Variants in FAM162B observed in about 807,000 individuals in gnomAD.
FAM162B encodes family with sequence similarity 162 member B.
Under a neutral mutation model 20.0 loss-of-function variants are expected in FAM162B, and 16 were observed. That is an observed-to-expected ratio of 0.80 (90% CI 0.54 to 1.21). The LOEUF (loss-of-function observed/expected upper bound fraction) is 1.21, where lower values mean the gene tolerates loss of function less well. FAM162B is among the 50% of genes most tolerant of loss of function. FAM162B has a pLI of 0.00. For synonymous variants in FAM162B, 83 were observed against 89.7 expected (o/e 0.93, Z 0.42); for missense variants, 260 against 227.5 (o/e 1.14, Z -0.92).
intron 3 of FAM162B, among the ~76,000 whole-genome samples, chr6:116,761,587 C>A (rs1335693021): frequency 6.7e-6 from 1 of 148,592 alleles, no homozygotes; most frequent in African/African-American, 2.5e-5. Flanking sequence ...TTTCCATGAA[C>A]AAATTTATCT....
chr6:116,753,013 TA>T (rs1022866193), intron 3 of FAM162B, among the ~76,000 whole-genome samples: 2 of 151,976 alleles, frequency 1.3e-5, no homozygotes, highest in Non-Finnish European at 2.9e-5. Context: ...GCATTTAATA[TA>T]TATTGAAGGA....
chr6:116,758,626 A>G (rs1780080602), intron 3 of FAM162B, among the ~76,000 whole-genome samples: 1 of 152,110 alleles, frequency 6.6e-6, no homozygotes, highest in Non-Finnish European at 1.5e-5. Flanking sequence ...GTTTTGTTCT[A>G]TATTTAGAAA....
intron 3 of FAM162B, among the ~76,000 whole-genome samples, chr6:116,757,754 CA>C (rs36020350): frequency 1.5e-3 from 157 of 103,180 alleles, no homozygotes; most frequent in Admixed American, 3.4e-3. Flanking sequence ...CCTCCTCCAC[CA>C]AAAAAAAAAA....
intron 3 of FAM162B, among the ~76,000 whole-genome samples, chr6:116,759,487 T>TC (rs965636079): frequency 5.3e-5 from 8 of 151,514 alleles, no homozygotes; most frequent in African/African-American, 1.9e-4. Context: ...ATTTTTTTTT[T>TC]TAGTAGTGAC....
chr6:116,764,264 T>C (rs1771860073), intron 2 of FAM162B, among the ~76,000 whole-genome samples: 2 of 152,226 alleles, frequency 1.3e-5, no homozygotes, highest in Non-Finnish European at 2.9e-5. Flanking sequence ...ATACAGAATA[T>C]CTAAAATCCT....
Position 116,759,402 on chromosome 6 carries a change from C to T in FAM162B, c.390+2575G>A, listed in dbSNP as rs560778276. Reference sequence around the variant, plus strand: ...CTGCAAGCTCCACCTCCTGGGTTCACGCCATTCTCCTGCGTAGCCTCCCGA... The same window carrying T: ...CTGCAAGCTCCACCTCCTGGGTTCATGCCATTCTCCTGCGTAGCCTCCCGA... On this transcript the variant is annotated intron_variant, in intron 3 of 3. Transcript: ENST00000368557. 8.7e-5 allele frequency among the ~76,000 whole-genome samples: 11 copies of T among 125,770 alleles called. 1 individual carries two copies. The East Asian group carries it at 1.8e-3, about 21-fold the overall frequency. The allele number at this position is 125,770 out of a possible 152,430, so 82.5% of individuals were successfully genotyped here.
At chr6:116,753,143 C>A (rs1322900188) in intron 3 of FAM162B, among the ~76,000 whole-genome samples, 1 of 152,052 alleles carries the variant, frequency 6.6e-6, no homozygotes, top group African/African-American at 2.4e-5. Flanking sequence ...GCATCACCCA[C>A]CTACTTGCTA....
intron 3 of FAM162B, among the ~76,000 whole-genome samples, chr6:116,753,065 G>C (rs953438843): frequency 6.6e-6 from 1 of 151,968 alleles, no homozygotes; most frequent in Non-Finnish European, 1.5e-5. Flanking sequence ...CCAAAATAGA[G>C]AGTTGACATA....
intron 3 of FAM162B, among the ~76,000 whole-genome samples, chr6:116,757,714 A>T (rs1780068372): frequency 6.9e-6 from 1 of 145,760 alleles, no homozygotes; most frequent in African/African-American, 2.6e-5. Context: ...ATGCCACTGC[A>T]CTCCAGCCTG....
Position 116,765,537 on chromosome 6 carries a change from C to T in FAM162B, c.40G>A (p.Gly14Arg), listed in dbSNP as rs982816201. Reference protein sequence around the residue: ...AVGSLLRLGRGLTVRCGPGAP... With the variant: ...AVGSLLRLGRRLTVRCGPGAP... ...CCGGGGCCGCAGCGGACTGTTAGCC[C>T]GCGGCCAAGGCGCAGTAGGCTCCCG... Residue 14 changes from glycine (G) to arginine (R), a missense_variant, in exon 1 of 4, where the codon GGG (glycine) becomes AGG (arginine). Physicochemically the swap from Gly to Arg is moderately radical, Grantham distance 125. Coordinates refer to ENST00000368557, the MANE Select transcript of FAM162B (RefSeq NM_001085480.3). The T allele has an allele frequency of 7.9e-6, 11 of 1,388,192 alleles. No homozygotes were observed. The highest frequency in any genetic ancestry group is 6.1e-5 in the African/African-American group (4 of 65,586). 86.0% of individuals were successfully genotyped at this position (1,388,192 alleles called of 1,614,324 possible). A position where few individuals can be genotyped will look rare whatever the true frequency, so the allele number is the denominator to read the frequency against.
chr6:116,760,614 A>C (rs1357000191), intron 3 of FAM162B, among the ~76,000 whole-genome samples: 2 of 152,196 alleles, frequency 1.3e-5, no homozygotes, highest in Non-Finnish European at 2.9e-5. Context: ...TATTCCTAGA[A>C]ACTAGAGAAT....
chr6:116,757,316 G>A (rs77153812), intron 3 of FAM162B, among the ~76,000 whole-genome samples: 2,143 of 151,802 alleles, frequency 0.014, 48 homozygotes, highest in South Asian at 0.042. Flanking sequence ...ATATAAAATC[G>A]CAAAATTGTA....
intron 3 of FAM162B, among the ~76,000 whole-genome samples, chr6:116,753,313 A>G (rs1780013214): frequency 6.6e-6 from 1 of 152,198 alleles, no homozygotes; most frequent in Non-Finnish European, 1.5e-5. Flanking sequence ...TTTAAGGTAC[A>G]TGCATTGTTA....
At chr6:116,764,110 C>T (rs528080998) in intron 2 of FAM162B, among the ~76,000 whole-genome samples, 1 of 152,136 alleles carries the variant, frequency 6.6e-6, no homozygotes, top group Non-Finnish European at 1.5e-5. Flanking sequence ...TCCCACCCCA[C>T]CCCCTAGCTA....
intron 3 of FAM162B, among the ~76,000 whole-genome samples, chr6:116,759,930 C>T (rs949877431): frequency 2.0e-5 from 3 of 152,238 alleles, no homozygotes; most frequent in South Asian, 2.1e-4. Flanking sequence ...TCAGAGAGGA[C>T]GTCCCTGACC....
intron 3 of FAM162B, among the ~76,000 whole-genome samples, chr6:116,758,355 T>G (rs1780077179): frequency 6.6e-6 from 1 of 152,236 alleles, no homozygotes; most frequent in South Asian, 2.1e-4. Flanking sequence ...TTCCTGTGTT[T>G]AAGAGGCATG....
At chr6:116,764,621 A>C (rs693602) in intron 2 of FAM162B, among the ~76,000 whole-genome samples, 82,950 of 151,842 alleles carry the variant, frequency 0.55, 23,512 homozygotes, top group African/African-American at 0.69. Flanking sequence ...AGGGCTGCAG[A>C]AACACGTCCG....
At chr6:116,761,845 C>T in intron 3 of FAM162B, 132 bp downstream of exon 3, 1 of 561,774 alleles carries the variant, frequency 1.8e-6, no homozygotes, top group Non-Finnish European at 3.1e-6. Flanking sequence ...ATGTCCATGA[C>T]ATTTCTTAAA....
intron 3 of FAM162B, among the ~76,000 whole-genome samples, chr6:116,755,377 C>CT (rs1725374504): frequency 6.6e-6 from 1 of 152,174 alleles, no homozygotes; most frequent in South Asian, 2.1e-4. Context: ...GAGCAAGGCC[C>CT]TAACTGTCTT....
Sources: allele counts gnomAD v4.1 joint callset (sites outside exome capture counted in the v4.1 genomes callset), GRCh38; gene constraint gnomAD v4.1.1; transcripts MANE v1.5; gene names NCBI Gene and HGNC (gene_info 2026-07-23, HGNC 2026-07-21).